Variants in AMD1 observed in about 807,000 individuals in gnomAD.
AMD1 encodes S-adenosylmethionine decarboxylase proenzyme.
Under a neutral mutation model 40.2 loss-of-function variants are expected in AMD1, and 11 were observed. That is an observed-to-expected ratio of 0.27 (90% CI 0.17 to 0.45). The LOEUF (loss-of-function observed/expected upper bound fraction) is 0.45. Ranked by LOEUF, AMD1 falls within the 20% of genes least tolerant of loss-of-function variation. The probability of loss-of-function intolerance (pLI) is 1.00; values close to 1 mark genes in which losing one functional copy is unlikely to be tolerated. For missense variants in AMD1, 257 were observed against 410.2 expected, an observed-to-expected ratio of 0.63 and a Z score of 3.23; for synonymous variants, 121 against 130.8, an observed-to-expected ratio of 0.93 and a Z score of 0.51.
chr6:110,821,994 A>G, the AMD1 span, among the ~76,000 whole-genome samples: 3 of 152,234 alleles, frequency 2.0e-5, no homozygotes, highest in Non-Finnish European at 2.9e-5. Context: ...TGAAATTGAA[A>G]GAAAAATACA....
At chr6:110,824,079 A>G in the AMD1 span, among the ~76,000 whole-genome samples, 96 of 152,330 alleles carry the variant, frequency 6.3e-4, no homozygotes, top group African/African-American at 2.1e-3. Context: ...ATCTACCCAA[A>G]GGAAAATAAG....
chr6:110,864,633 C>T, the AMD1 span, among the ~76,000 whole-genome samples: 1 of 152,130 alleles, frequency 6.6e-6, no homozygotes, highest in South Asian at 2.1e-4. Context: ...TGGTGGAACC[C>T]CAATCATGGG....
chr6:110,869,178 T>C, the AMD1 span, among the ~76,000 whole-genome samples: 1 of 152,038 alleles, frequency 6.6e-6, no homozygotes, highest in Non-Finnish European at 1.5e-5. Context: ...TAGCCCAGGC[T>C]GGAGTACAGT....
At chr6:110,887,109 T>C (rs1302889367) in intron 1 of AMD1, among the ~76,000 whole-genome samples, 1 of 152,086 alleles carries the variant, frequency 6.6e-6, no homozygotes, top group Non-Finnish European at 1.5e-5. Context: ...CTATGCCAAT[T>C]AGATTGGTAA....
At chr6:110,875,817 G>A (rs2115268292) in intron 1 of AMD1, among the ~76,000 whole-genome samples, 1 of 152,270 alleles carries the variant, frequency 6.6e-6, no homozygotes, top group Admixed American at 6.5e-5. Flanking sequence ...GCGGGGATTG[G>A]GCGGGAGCAG....
the AMD1 span, chr6:110,814,829 C>G: frequency 1.2e-6 from 1 of 812,954 alleles, no homozygotes; most frequent in Non-Finnish European, 2.0e-6. Flanking sequence ...CGCGACGGGG[C>G]CGCGCGGGGG....
At chr6:110,840,608 A>C in the AMD1 span, among the ~76,000 whole-genome samples, 2 of 152,134 alleles carry the variant, frequency 1.3e-5, no homozygotes, top group Non-Finnish European at 2.9e-5. Flanking sequence ...AGGAACATTC[A>C]GGAGTTCAGC....
chr6:110,877,564 T>G (rs1264239239), intron 1 of AMD1, among the ~76,000 whole-genome samples: 1 of 152,266 alleles, frequency 6.6e-6, no homozygotes, highest in Non-Finnish European at 1.5e-5. Flanking sequence ...GTGCATAGCC[T>G]CTGGAATAAC....
In AMD1 at chr6:110,890,458, C is replaced by T. The variant is rs964196040; in HGVS notation, c.427+102C>T. The T allele has an allele frequency of 6.3e-5, 52 of 823,254 alleles. 1 individual carries two copies. The highest frequency in any genetic ancestry group is 2.0e-5 in the Non-Finnish European group (10 of 506,412). The allele number at this position is 823,254 out of a possible 1,614,324, so 51.0% of individuals were successfully genotyped here. ...AGCATACTTATGCATATATAGCATT[C>T]TACACACACTAATACTTGCTTTTCT... On this transcript the variant is annotated intron_variant, in intron 4 of 8. Coordinates refer to ENST00000368885, the MANE Select transcript of AMD1 (RefSeq NM_001634.6).
At chr6:110,866,895 C>T in the AMD1 span, among the ~76,000 whole-genome samples, 1 of 151,822 alleles carries the variant, frequency 6.6e-6, no homozygotes, top group Non-Finnish European at 1.5e-5. Context: ...CTCACTGCAA[C>T]CTCCGCCTCC....
chr6:110,815,831 G>A, the AMD1 span: 12 of 152,618 alleles, frequency 7.9e-5, no homozygotes, highest in Middle Eastern at 3.4e-3. Flanking sequence ...TGGCTGCAGT[G>A]ACTCGGGAGG....
chr6:110,847,063 G>GTGTGTGTGGTGT, the AMD1 span, among the ~76,000 whole-genome samples: 7 of 143,282 alleles, frequency 4.9e-5, no homozygotes, highest in Middle Eastern at 7.0e-3. Context: ...GTGTGTGTGT[G>GTGTGTGTGGTGT]GTGTGTGTGT....
At chr6:110,871,317 T>C (rs1203881135), upstream of AMD1, among the ~76,000 whole-genome samples, 1 of 152,232 alleles carries the variant, frequency 6.6e-6, no homozygotes, top group Non-Finnish European at 1.5e-5. Flanking sequence ...CTGCTCTGTG[T>C]TAAACCAAGT....
chr6:110,843,443 G>A, the AMD1 span, among the ~76,000 whole-genome samples: 8 of 141,946 alleles, frequency 5.6e-5, no homozygotes, highest in Non-Finnish European at 9.1e-5. Context: ...CAGCCTGGGC[G>A]ATAAGAGTGA....
chr6:110,818,411 C>T, the AMD1 span, among the ~76,000 whole-genome samples: 1 of 152,170 alleles, frequency 6.6e-6, no homozygotes, highest in African/African-American at 2.4e-5. Flanking sequence ...TGGGTTATAG[C>T]ATCTGGTGCA....
chr6:110,846,005 G>T, the AMD1 span, among the ~76,000 whole-genome samples: 1 of 152,112 alleles, frequency 6.6e-6, no homozygotes. Context: ...ACTTTGGGAG[G>T]CCAAGGAGGG....
chr6:110,819,194 C>T, the AMD1 span, among the ~76,000 whole-genome samples: 1 of 152,094 alleles, frequency 6.6e-6, no homozygotes, highest in East Asian at 1.9e-4. Context: ...CCCGTCTCTA[C>T]TACAAATACA....
chr6:110,849,368 G>T, the AMD1 span, among the ~76,000 whole-genome samples: 1 of 152,176 alleles, frequency 6.6e-6, no homozygotes, highest in Non-Finnish European at 1.5e-5. Context: ...GAATTTTGAA[G>T]TCTTCATCAG....
the AMD1 span, among the ~76,000 whole-genome samples, chr6:110,865,454 C>T: frequency 1.3e-5 from 2 of 152,182 alleles, no homozygotes; most frequent in African/African-American, 2.4e-5. Flanking sequence ...AGCACAGTGG[C>T]GTGATCTTGG....
Sources: allele counts gnomAD v4.1 joint callset (sites outside exome capture counted in the v4.1 genomes callset), GRCh38; gene constraint gnomAD v4.1.1; transcripts MANE v1.5; gene names NCBI Gene and HGNC (gene_info 2026-07-23, HGNC 2026-07-21).